Variants in TRAPPC9 observed in about 807,000 individuals in gnomAD.
The protein encoded by TRAPPC9 is IKK2 binding protein.
Under a neutral mutation model 124.0 loss-of-function variants are expected in TRAPPC9, and 83 were observed. That is an observed-to-expected ratio of 0.67 (90% CI 0.56 to 0.80). The LOEUF (loss-of-function observed/expected upper bound fraction) is 0.80. Ranked by LOEUF, TRAPPC9 falls within the 30% of genes least tolerant of loss-of-function variation. The pLI, the probability that TRAPPC9 is intolerant of heterozygous loss-of-function variation, is 0.00. For synonymous variants in TRAPPC9, 638 were observed against 617.5 expected (o/e 1.03, Z -0.49); for missense variants, 1,302 against 1,508.3 (o/e 0.86, Z 2.27).
chr8:140,339,137 C>T (rs902422619), intron 9 of TRAPPC9, among the ~76,000 whole-genome samples: 15 of 152,162 alleles, frequency 9.9e-5, no homozygotes, highest in Non-Finnish European at 2.2e-4. Context: ...CACCTACAGG[C>T]CAGAGAAAAG....
chr8:140,336,855 C>T (rs564069533), intron 9 of TRAPPC9, among the ~76,000 whole-genome samples: 1 of 152,306 alleles, frequency 6.6e-6, no homozygotes, highest in Admixed American at 6.5e-5. Context: ...ACGAATTCCA[C>T]ATGTGATAAA....
intron 19 of TRAPPC9, among the ~76,000 whole-genome samples, chr8:139,934,527 C>T (rs762099964): frequency 1.3e-5 from 2 of 152,202 alleles, no homozygotes; most frequent in Admixed American, 1.3e-4. Flanking sequence ...TTCAGTGGTA[C>T]TCATAGTGTA....
intron 18 of TRAPPC9, among the ~76,000 whole-genome samples, chr8:139,995,104 A>C (rs891863763): frequency 6.6e-6 from 1 of 152,228 alleles, no homozygotes; most frequent in African/African-American, 2.4e-5. Flanking sequence ...TGAAGACTCA[A>C]AAAATAAATG....
chr8:139,970,536 T>A (rs1255001375), intron 19 of TRAPPC9, among the ~76,000 whole-genome samples: 2 of 152,102 alleles, frequency 1.3e-5, no homozygotes, highest in Admixed American at 6.5e-5. Flanking sequence ...GGCCCCTTCA[T>A]ACAGCCTGTC....
intron 17 of TRAPPC9, among the ~76,000 whole-genome samples, chr8:140,183,955 A>AGGGAGGAGG (rs2062285011): frequency 1.2e-4 from 2 of 17,010 alleles, no homozygotes; most frequent in Non-Finnish European, 2.3e-4. Flanking sequence ...AGGAGAGGGG[A>AGGGAGGAGG]GGGGAGGGAG....
At chr8:140,014,122 G>A (rs541229134) in intron 18 of TRAPPC9, among the ~76,000 whole-genome samples, 115 of 152,288 alleles carry the variant, frequency 7.6e-4, no homozygotes, top group African/African-American at 2.3e-3. Flanking sequence ...CGAAGGCCTC[G>A]GTGGCAGGGT....
chr8:140,396,837 G>T (rs2069110529), intron 7 of TRAPPC9, among the ~76,000 whole-genome samples: 1 of 151,982 alleles, frequency 6.6e-6, no homozygotes, highest in South Asian at 2.1e-4. Flanking sequence ...TTCCTCCCTT[G>T]GCACCTGTAC....
At chr8:139,740,386 A>C (rs999034140) in intron 21 of TRAPPC9, among the ~76,000 whole-genome samples, 2 of 152,240 alleles carry the variant, frequency 1.3e-5, no homozygotes, top group African/African-American at 4.8e-5. Context: ...CAGGGCACAG[A>C]GAAAGGAAGC....
chr8:139,731,303 A>G, intron 22 of TRAPPC9, 75 bp from the exon 23 acceptor site: 3 of 1,555,334 alleles, frequency 1.9e-6, no homozygotes, highest in East Asian at 4.6e-5. Context: ...AATCCTGGGA[A>G]TCTGCCTGGA....
At chr8:140,092,250 T>A (rs1844620360) in intron 17 of TRAPPC9, among the ~76,000 whole-genome samples, 1 of 149,598 alleles carries the variant, frequency 6.7e-6, no homozygotes, top group Non-Finnish European at 1.5e-5. Flanking sequence ...CAGGCTAGAC[T>A]ACAAGGGCGC....
At chr8:140,086,307 G>C (rs956537158) in intron 17 of TRAPPC9, among the ~76,000 whole-genome samples, 1 of 152,214 alleles carries the variant, frequency 6.6e-6, no homozygotes, top group Non-Finnish European at 1.5e-5. Flanking sequence ...ACGATGAAAG[G>C]AGCAGGGAGA....
At chr8:140,447,041 C>A (rs962189196) in intron 2 of TRAPPC9, among the ~76,000 whole-genome samples, 1 of 152,202 alleles carries the variant, frequency 6.6e-6, no homozygotes, top group Non-Finnish European at 1.5e-5. Flanking sequence ...AGGCCAGAAA[C>A]GTTCGCTCAG....
At chr8:140,449,419 A>C (rs2071380934) in intron 2 of TRAPPC9, among the ~76,000 whole-genome samples, 1 of 152,216 alleles carries the variant, frequency 6.6e-6, no homozygotes, top group African/African-American at 2.4e-5. Context: ...CTAGGCTTGC[A>C]TCTCATCCAG....
At chr8:140,432,668 C>T (rs1319746932) in intron 4 of TRAPPC9, among the ~76,000 whole-genome samples, 1 of 151,202 alleles carries the variant, frequency 6.6e-6, no homozygotes, top group African/African-American at 2.4e-5. Flanking sequence ...GTCAGGAGAT[C>T]GATACCATCC....
At chr8:140,245,678 G>A (rs2063967747) in intron 16 of TRAPPC9, among the ~76,000 whole-genome samples, 1 of 152,116 alleles carries the variant, frequency 6.6e-6, no homozygotes, top group African/African-American at 2.4e-5. Flanking sequence ...AGGGTTTCCT[G>A]GAGTCTGGAC....
intron 21 of TRAPPC9, among the ~76,000 whole-genome samples, chr8:139,814,101 C>A (rs1166323508): frequency 2.6e-5 from 4 of 152,244 alleles, no homozygotes; most frequent in Non-Finnish European, 4.4e-5. Context: ...GAGCTCGAAG[C>A]CCGGCAAGAA....
At chr8:140,383,918 G>A (rs961210998) in intron 7 of TRAPPC9, among the ~76,000 whole-genome samples, 1 of 152,136 alleles carries the variant, frequency 6.6e-6, no homozygotes, top group Non-Finnish European at 1.5e-5. Flanking sequence ...AGAGAGAAAG[G>A]TCGGGTTACC....
At chr8:140,444,524 G>A (rs2071168652) in intron 2 of TRAPPC9, among the ~76,000 whole-genome samples, 1 of 152,050 alleles carries the variant, frequency 6.6e-6, no homozygotes, top group African/African-American at 2.4e-5. Context: ...ACCTTTAGAA[G>A]AAGTGGCAGC....
At chr8:139,859,366 G>A (rs1053327530) in intron 21 of TRAPPC9, among the ~76,000 whole-genome samples, 5 of 152,076 alleles carry the variant, frequency 3.3e-5, no homozygotes, top group African/African-American at 4.8e-5. Context: ...CTGTCCTAAT[G>A]ACCCCCAGAG....
Sources: allele counts gnomAD v4.1 joint callset (sites outside exome capture counted in the v4.1 genomes callset), GRCh38; gene constraint gnomAD v4.1.1; transcripts MANE v1.5; gene names NCBI Gene and HGNC (gene_info 2026-07-23, HGNC 2026-07-21).